PDE10A: variants seen among roughly 807,000 people sequenced by gnomAD.
PDE10A encodes cAMP and cAMP-inhibited cGMP 3',5'-cyclic phosphodiesterase 10A.
A neutral mutation model predicts 97.7 loss-of-function variants in PDE10A; 39 were observed. The ratio of observed to expected loss-of-function variants is 0.40; its 90% CI spans 0.31 to 0.52. The LOEUF (loss-of-function observed/expected upper bound fraction) is 0.52. PDE10A is among the 20% of genes least tolerant of loss of function. PDE10A has a pLI of 0.56. For synonymous variants in PDE10A, 371 were observed against 376.8 expected, an observed-to-expected ratio of 0.98 and a Z score of 0.18; for missense variants, 731 against 1,047.8, an observed-to-expected ratio of 0.70 and a Z score of 4.17.
chr6:165,391,745 T>C (rs1339559790), intron 16 of PDE10A, among the ~76,000 whole-genome samples: 1 of 152,194 alleles, frequency 6.6e-6, no homozygotes, highest in Non-Finnish European at 1.5e-5. Flanking sequence ...CTAGAATGCA[T>C]CTTTTGAGTT....
intron 1 of PDE10A, among the ~76,000 whole-genome samples, chr6:165,864,545 T>C (rs1439792695): frequency 6.6e-6 from 1 of 152,234 alleles, no homozygotes; most frequent in Admixed American, 6.5e-5. Flanking sequence ...TACACAGCAA[T>C]TTAACAAAGA....
intron 1 of PDE10A, among the ~76,000 whole-genome samples, chr6:165,875,435 G>A (rs550435741): frequency 9.8e-5 from 15 of 152,318 alleles, no homozygotes; most frequent in African/African-American, 2.2e-4. Flanking sequence ...CCAGCTTTAC[G>A]CAGGGGCATT....
At chr6:165,625,121 T>G (rs1392449083) in intron 1 of PDE10A, among the ~76,000 whole-genome samples, 1 of 142,686 alleles carries the variant, frequency 7.0e-6, no homozygotes, top group Non-Finnish European at 1.5e-5. Context: ...GAAGCCAGCC[T>G]TCTTCATTCA....
intron 2 of PDE10A, among the ~76,000 whole-genome samples, chr6:165,525,415 C>T (rs1782379146): frequency 6.6e-6 from 1 of 151,976 alleles, no homozygotes; most frequent in African/African-American, 2.4e-5. Flanking sequence ...TTAAAAATGG[C>T]CTACTATGAG....
intron 1 of PDE10A, among the ~76,000 whole-genome samples, chr6:165,568,677 G>C (rs1324106952): frequency 6.6e-6 from 1 of 152,050 alleles, no homozygotes; most frequent in Non-Finnish European, 1.5e-5. Context: ...AGTGATGCTG[G>C]CAATTCAGAT....
At chr6:165,695,214 A>C (rs1791413106) in intron 1 of PDE10A, among the ~76,000 whole-genome samples, 1 of 151,854 alleles carries the variant, frequency 6.6e-6, no homozygotes, top group Non-Finnish European at 1.5e-5. Context: ...ACTACCAAAA[A>C]AAAAAAAAAG....
At chr6:165,499,464 T>C (rs1163156112) in intron 2 of PDE10A, among the ~76,000 whole-genome samples, 7 of 152,198 alleles carry the variant, frequency 4.6e-5, no homozygotes, top group Non-Finnish European at 2.9e-5. Context: ...TAGTCCACAA[T>C]GTTCAGCAAT....
intron 1 of PDE10A, among the ~76,000 whole-genome samples, chr6:165,544,442 G>T (rs1783630422): frequency 6.6e-6 from 1 of 152,054 alleles, no homozygotes; most frequent in Non-Finnish European, 1.5e-5. Flanking sequence ...GTGTTGGTAT[G>T]CCATTTCATT....
chr6:165,653,849 G>A lies in PDE10A; in HGVS notation c.865+8098C>T, dbSNP rs546083902. 5.3e-5 allele frequency among the ~76,000 whole-genome samples: 8 copies of A among 152,208 alleles called. No homozygotes were observed. In the South Asian group the frequency reaches 1.5e-3, roughly 28 times the overall value. On this transcript the variant is annotated intron_variant, in intron 1 of 21. Transcript: ENST00000539869. ...TGGACTCAGTGCGTAAGGAAGACCTGATCCACCGTGCCAGCTTTCTCCGTC... is the reference window on the plus strand; with the variant it reads ...TGGACTCAGTGCGTAAGGAAGACCTAATCCACCGTGCCAGCTTTCTCCGTC...
intron 1 of PDE10A, among the ~76,000 whole-genome samples, chr6:165,718,065 T>C (rs1792071991): frequency 6.6e-6 from 1 of 152,246 alleles, no homozygotes; most frequent in Admixed American, 6.5e-5. Flanking sequence ...CTCTGTTGAT[T>C]GTGTCCTTTG....
At chr6:165,394,915 A>G (rs1411705137) in intron 15 of PDE10A, among the ~76,000 whole-genome samples, 2 of 152,188 alleles carry the variant, frequency 1.3e-5, no homozygotes, top group African/African-American at 4.8e-5. Context: ...AAGAAACTCT[A>G]GCCTCTGTTT....
At position 165,388,248 on chromosome 6, in the gene PDE10A, C is replaced by G; in HGVS notation, c.2610+50G>C. The stretch of plus-strand genomic sequence containing the variant: ...TTTTCCACCTATGAAGTATCCCTAT[C>G]TCCCAGACAGCCCTTCAGACTAAGC... On this transcript the variant is annotated intron_variant, in intron 17 of 21. Transcript: ENST00000539869. The surrounding 1 kb of genome is among the most constrained non-coding windows in gnomAD (Gnocchi z 4.0). 1 of 1,574,872 alleles carries G rather than the reference C, an allele frequency of 6.3e-7. No homozygotes were observed. The highest frequency in any genetic ancestry group is 8.7e-7 in the Non-Finnish European group (1 of 1,146,140).
intron 1 of PDE10A, among the ~76,000 whole-genome samples, chr6:165,707,664 T>C (rs1432388313): frequency 1.3e-5 from 2 of 151,594 alleles, no homozygotes; most frequent in Admixed American, 1.3e-4. Context: ...TATGTGAGCG[T>C]GTGTGTGTAA....
At chr6:165,865,441 G>C (rs1218747177) in intron 1 of PDE10A, among the ~76,000 whole-genome samples, 1 of 151,982 alleles carries the variant, frequency 6.6e-6, no homozygotes, top group Non-Finnish European at 1.5e-5. Context: ...TAGTAACAGA[G>C]CCCAAAGAAA....
chr6:165,422,034 A>G (rs1035242311), intron 10 of PDE10A, among the ~76,000 whole-genome samples: 1 of 149,526 alleles, frequency 6.7e-6, no homozygotes, highest in Non-Finnish European at 1.5e-5. Flanking sequence ...ACTGCACTCC[A>G]GCCAGGGTGA....
intron 21 of PDE10A, 26 bp from the exon 22 acceptor site, chr6:165,333,153 G>C: frequency 7.4e-7 from 1 of 1,346,476 alleles, no homozygotes; most frequent in Non-Finnish European, 1.1e-6. Flanking sequence ...GCAGTTTCAG[G>C]AGAAGCTGAA....
intron 1 of PDE10A, among the ~76,000 whole-genome samples, chr6:165,620,679 T>C (rs1487563046): frequency 1.3e-5 from 2 of 152,208 alleles, no homozygotes; most frequent in African/African-American, 4.8e-5. Flanking sequence ...AGAACTCTTC[T>C]GGACTCTACC....
intron 1 of PDE10A, among the ~76,000 whole-genome samples, chr6:165,698,785 G>A (rs1791501329): frequency 1.3e-5 from 2 of 152,110 alleles, no homozygotes; most frequent in Non-Finnish European, 2.9e-5. Context: ...AGGTTGCAGT[G>A]AGCTGAGATC....
At chr6:165,574,968 A>C (rs1785229877) in intron 1 of PDE10A, among the ~76,000 whole-genome samples, 1 of 152,106 alleles carries the variant, frequency 6.6e-6, no homozygotes, top group South Asian at 2.1e-4. Flanking sequence ...CCTGTGACAA[A>C]ATTCCCCTCT....
Sources: allele counts gnomAD v4.1 joint callset (sites outside exome capture counted in the v4.1 genomes callset), GRCh38; gene constraint gnomAD v4.1.1; non-coding constraint Gnocchi (gnomAD v3.1); transcripts MANE v1.5; gene names NCBI Gene and HGNC (gene_info 2026-07-23, HGNC 2026-07-21).